The following NOL4 variants were observed in gnomAD, a reference collection of about 807,000 sequenced individuals.
NOL4 encodes the protein nucleolar protein 4, also known as cancer/testis antigen 125.
NOL4 carries 17 observed loss-of-function variants against 75.9 expected under a neutral mutation model. That is an observed-to-expected ratio of 0.22 (90% CI 0.15 to 0.34). The LOEUF (loss-of-function observed/expected upper bound fraction) is 0.34. Among genes scored for constraint, NOL4 ranks in the 10% least tolerant of loss-of-function variants. The pLI, the probability that NOL4 is intolerant of heterozygous loss-of-function variation, is 1.00. For missense variants in NOL4, 614 were observed against 793.5 expected (o/e 0.77, Z 2.72); for synonymous variants, 292 against 289.9 (o/e 1.01, Z -0.07).
At chr18:34,086,773 A>G (rs1055414787) in intron 5 of NOL4, among the ~76,000 whole-genome samples, 3 of 152,106 alleles carry the variant, frequency 2.0e-5, no homozygotes, top group Non-Finnish European at 4.4e-5. Flanking sequence ...TGCGTGTTCT[A>G]AAGTCCAGTG....
intron 6 of NOL4, among the ~76,000 whole-genome samples, chr18:33,979,546 G>C (rs995548124): frequency 2.6e-5 from 4 of 151,662 alleles, no homozygotes; most frequent in Admixed American, 6.6e-5. Context: ...TACTATAACA[G>C]GTCCACAATC....
At chr18:34,183,529 A>C (rs1444941817) in intron 1 of NOL4, 1 of 151,998 alleles carries the variant, frequency 6.6e-6, no homozygotes, top group Non-Finnish European at 1.5e-5. Context: ...TTCACATAAA[A>C]ACTTGTATGC....
Position 34,128,964 on chromosome 18 carries a change from A to G in NOL4, c.414+907T>C, listed in dbSNP as rs190312801. On this transcript the variant is annotated intron_variant, in intron 2 of 10. Transcript: ENST00000261592. ...AACAGTTAATATAAAGGTAGCCAAA[A>G]GCAAAATTCAATAAGAATTCTCAAA... 30 of 431,432 alleles carry G rather than the reference A, an allele frequency of 7.0e-5. No homozygotes were observed. In the Admixed American group the frequency reaches 1.9e-3, roughly 28 times the overall value. The allele number at this position is 431,432 out of a possible 1,614,324, so 26.7% of individuals were successfully genotyped here.
At chr18:34,022,354 T>G (rs142862060) in intron 5 of NOL4, among the ~76,000 whole-genome samples, 237 of 152,072 alleles carry the variant, frequency 1.6e-3, no homozygotes, top group African/African-American at 5.3e-3. Context: ...TAGGAAAATT[T>G]AGGAAACTGG....
intron 6 of NOL4, among the ~76,000 whole-genome samples, chr18:33,994,896 A>G (rs890886050): frequency 7.9e-5 from 12 of 151,688 alleles, no homozygotes; most frequent in Admixed American, 2.6e-4. Flanking sequence ...AAACTTTAGT[A>G]GATCAACAAT....
At chr18:33,891,355 G>T (rs375140074) in intron 9 of NOL4, among the ~76,000 whole-genome samples, 6 of 152,206 alleles carry the variant, frequency 3.9e-5, no homozygotes. Flanking sequence ...TAGCAGCTCT[G>T]CTTTCTTCTA....
chr18:34,146,112 G>A (rs1426701084), intron 1 of NOL4, among the ~76,000 whole-genome samples: 1 of 151,968 alleles, frequency 6.6e-6, no homozygotes, highest in Non-Finnish European at 1.5e-5. Flanking sequence ...TCTTCCAAGG[G>A]ACTTTCCATT....
intron 10 of NOL4, among the ~76,000 whole-genome samples, chr18:33,871,671 C>T (rs1011905007): frequency 2.6e-5 from 4 of 152,036 alleles, no homozygotes; most frequent in Middle Eastern, 3.2e-3. Context: ...TCCTTCCCTT[C>T]AGTGAGTAGG....
intron 10 of NOL4, among the ~76,000 whole-genome samples, chr18:33,854,695 T>C (rs1192993025): frequency 6.6e-6 from 1 of 151,320 alleles, no homozygotes; most frequent in Non-Finnish European, 1.5e-5. Flanking sequence ...ATTGAAAGGG[T>C]TTTCCTCTCA....
intron 9 of NOL4, among the ~76,000 whole-genome samples, chr18:33,909,955 C>T (rs902374362): frequency 2.6e-5 from 4 of 151,938 alleles, no homozygotes; most frequent in East Asian, 1.9e-4. Flanking sequence ...ACATGTAAAC[C>T]GATAAGCCAT....
At chr18:33,888,619 T>C (rs2064909410) in intron 9 of NOL4, among the ~76,000 whole-genome samples, 1 of 152,142 alleles carries the variant, frequency 6.6e-6, no homozygotes, top group Non-Finnish European at 1.5e-5. Flanking sequence ...AGGGATCCAG[T>C]TTCAGCTTTC....
intron 10 of NOL4, among the ~76,000 whole-genome samples, chr18:33,860,838 C>G (rs2063088123): frequency 6.6e-6 from 1 of 151,918 alleles, no homozygotes; most frequent in African/African-American, 2.4e-5. Context: ...GAGTTTTTAG[C>G]ATGAAGAGTT....
chr18:34,048,102 G>A (rs1328925671), intron 5 of NOL4, among the ~76,000 whole-genome samples: 1 of 152,042 alleles, frequency 6.6e-6, no homozygotes, highest in Non-Finnish European at 1.5e-5. Flanking sequence ...ATGCAGATTT[G>A]TCCATGAATA....
intron 9 of NOL4, among the ~76,000 whole-genome samples, chr18:33,937,400 A>G (rs926229888): frequency 2.0e-5 from 3 of 152,160 alleles, no homozygotes; most frequent in African/African-American, 7.2e-5. Context: ...AAAGACATAC[A>G]TAATTACATC....
At chr18:34,003,580 A>T (rs2073861545) in intron 6 of NOL4, among the ~76,000 whole-genome samples, 1 of 152,038 alleles carries the variant, frequency 6.6e-6, no homozygotes, top group Non-Finnish European at 1.5e-5. Flanking sequence ...CTGTAAGATA[A>T]AGTATAAGCC....
intron 6 of NOL4, among the ~76,000 whole-genome samples, chr18:33,977,203 G>A (rs2071561025): frequency 6.6e-6 from 1 of 152,030 alleles, no homozygotes; most frequent in Non-Finnish European, 1.5e-5. Flanking sequence ...ATTCACTTTA[G>A]CAGTGAGAAA....
chr18:33,908,929 C>A (rs947067697), intron 9 of NOL4, among the ~76,000 whole-genome samples: 1 of 151,892 alleles, frequency 6.6e-6, no homozygotes, highest in Admixed American at 6.6e-5. Context: ...TCAGTTTAGC[C>A]CTATAAAGTG....
chr18:33,862,749 A>G (rs1404220899), intron 10 of NOL4, among the ~76,000 whole-genome samples: 2 of 152,216 alleles, frequency 1.3e-5, no homozygotes, highest in Non-Finnish European at 2.9e-5. Context: ...TAGAATGGCA[A>G]TCATTAAAAA....
chr18:33,988,768 T>A (rs1265680076), intron 6 of NOL4, among the ~76,000 whole-genome samples: 2 of 151,468 alleles, frequency 1.3e-5, no homozygotes, highest in African/African-American at 2.4e-5. Flanking sequence ...GTATATACAC[T>A]GTATATATTG....
Sources: allele counts gnomAD v4.1 joint callset (sites outside exome capture counted in the v4.1 genomes callset), GRCh38; gene constraint gnomAD v4.1.1; transcripts MANE v1.5; gene names NCBI Gene and HGNC (gene_info 2026-07-23, HGNC 2026-07-21).